PUM3: variants seen among roughly 807,000 people sequenced by gnomAD.
PUM3 encodes pumilio homolog 3.
PUM3 carries 91 observed loss-of-function variants against 84.0 expected under a neutral mutation model. The ratio of observed to expected loss-of-function variants is 1.08; its 90% CI spans 0.91 to 1.29. PUM3 has a LOEUF of 1.29. Among genes scored for constraint, PUM3 ranks in the 50% most tolerant of loss-of-function variants. The pLI, the probability that PUM3 is intolerant of heterozygous loss-of-function variation, is 0.00. For missense variants in PUM3, 1,067 were observed against 767.5 expected (o/e 1.39, Z -4.61); for synonymous variants, 321 against 266.7 (o/e 1.20, Z -1.98).
chr9:2,827,180 C>T, intron 9 of PUM3, 29 bp from the exon 10 acceptor site: 1 of 1,522,368 alleles, frequency 6.6e-7, no homozygotes, highest in South Asian at 1.2e-5. Context: ...AGCAAAAAGA[C>T]ACAACAGATC....
At chr9:2,809,125 G>C (rs1324509932) in intron 16 of PUM3, among the ~76,000 whole-genome samples, 2 of 152,114 alleles carry the variant, frequency 1.3e-5, no homozygotes, top group Admixed American at 6.5e-5. Flanking sequence ...TCTGAGCATA[G>C]AGGGGCAGGC....
At chr9:2,819,689 T>C (rs778593736) in intron 13 of PUM3, among the ~76,000 whole-genome samples, 1 of 152,346 alleles carries the variant, frequency 6.6e-6, no homozygotes, top group Non-Finnish European at 1.5e-5. Context: ...TTTCTGATCA[T>C]ATCTAAATAT....
chr9:2,822,292 ACT>A (rs1815666764), intron 12 of PUM3, among the ~76,000 whole-genome samples: 2 of 152,028 alleles, frequency 1.3e-5, no homozygotes, highest in Admixed American at 1.3e-4. Flanking sequence ...CCACCAAACA[ACT>A]CTACAATATA....
chr9:2,812,159 G>A (rs1821387543), intron 14 of PUM3, 61 bp downstream of exon 14: 3 of 1,423,192 alleles, frequency 2.1e-6, no homozygotes, highest in African/African-American at 1.4e-5. Context: ...ACTTCTGGAA[G>A]AATGCACTAC....
At chr9:2,843,062 T>C (rs888059909) in intron 1 of PUM3, among the ~76,000 whole-genome samples, 5 of 152,202 alleles carry the variant, frequency 3.3e-5, no homozygotes, top group Admixed American at 2.6e-4. Flanking sequence ...ATGTAATACA[T>C]TTTCTAAAGA....
chr9:2,840,061 G>T (rs191630338), intron 1 of PUM3, among the ~76,000 whole-genome samples: 47 of 152,158 alleles, frequency 3.1e-4, no homozygotes, highest in Admixed American at 2.4e-3. Flanking sequence ...CCTCATTTGG[G>T]GTTTGCCTGA....
At position 2,833,513 on chromosome 9, in the gene PUM3, T is replaced by C. The variant is rs910269763; in HGVS notation, c.441-81A>G. The C allele has an allele frequency of 5.7e-6, 4 of 695,818 alleles. No homozygotes were observed. In the Admixed American group the frequency reaches 9.2e-5, roughly 16 times the overall value. The allele number at this position is 695,818 out of a possible 1,614,324, so 43.1% of individuals were successfully genotyped here. ...CACAAAATTAAAAACTGTACCAGTA[T>C]ATGTTCTCCAAGTTCAGCATGATTT... On this transcript the variant is annotated intron_variant, in intron 4 of 17. Transcript: ENST00000397885.
intron 1 of PUM3, among the ~76,000 whole-genome samples, chr9:2,838,912 T>G (rs1257090706): frequency 2.0e-5 from 3 of 152,178 alleles, no homozygotes; most frequent in African/African-American, 4.8e-5. Flanking sequence ...CTTGATTTCT[T>G]GGAGCCTAAA....
intron 1 of PUM3, among the ~76,000 whole-genome samples, chr9:2,842,937 C>T (rs1816307489): frequency 6.6e-6 from 1 of 152,152 alleles, no homozygotes; most frequent in African/African-American, 2.4e-5. Flanking sequence ...CTGAGTTACC[C>T]TTGACATTTT....
intron 10 of PUM3, among the ~76,000 whole-genome samples, chr9:2,826,100 T>C (rs992457745): frequency 1.5e-5 from 2 of 135,346 alleles, no homozygotes; most frequent in Non-Finnish European, 3.1e-5. Context: ...TCCCCGAAGG[T>C]TTTTTTTTTT....
intron 12 of PUM3, among the ~76,000 whole-genome samples, chr9:2,820,940 A>G (rs1300776430): frequency 6.6e-6 from 1 of 152,222 alleles, no homozygotes; most frequent in Non-Finnish European, 1.5e-5. Flanking sequence ...TTGTGGCATG[A>G]GTATCCTGGA....
Position 2,807,870 on chromosome 9 carries a change from A to C in PUM3, c.1758T>G (p.Gly586=). Residue 586 remains glycine, a synonymous_variant, in exon 17 of 18, where the codon GGT becomes GGG. Coordinates refer to ENST00000397885, the MANE Select transcript of PUM3 (RefSeq NM_014878.5). ...TAGCCCAGGACTTCAGGTTCTTCAT[A>C]CCAACATGCTCTACAAGTGTTTTTG... The part of the protein sequence containing the change: ...CFAKTLVEHV[G]MKNLKSWASV... 1 of 1,613,610 alleles carries C rather than the reference A, an allele frequency of 6.2e-7. No homozygotes were observed. Among genetic ancestry groups the C allele is most frequent in the South Asian group, 1.1e-5 (1 of 91,082 alleles).
chr9:2,831,524 G>A (rs918359587), intron 5 of PUM3, among the ~76,000 whole-genome samples, 180 bp from the exon 6 acceptor site: 1 of 152,032 alleles, frequency 6.6e-6, no homozygotes, highest in Non-Finnish European at 1.5e-5. Context: ...CTGTTGTTTT[G>A]AGGCCTACCA....
At chr9:2,838,963 C>T (rs1816201889) in intron 1 of PUM3, among the ~76,000 whole-genome samples, 1 of 152,138 alleles carries the variant, frequency 6.6e-6, no homozygotes, top group Non-Finnish European at 1.5e-5. Context: ...CCACTACATG[C>T]ATTTAATATA....
At chr9:2,829,680 A>G in intron 8 of PUM3, 94 bp downstream of exon 8, 1 of 1,067,500 alleles carries the variant, frequency 9.4e-7, no homozygotes, top group Non-Finnish European at 1.3e-6. Flanking sequence ...CAGCCACAGT[A>G]AAAATACATT....
chr9:2,828,062 C>G (rs539673498), intron 9 of PUM3, among the ~76,000 whole-genome samples: 22 of 152,130 alleles, frequency 1.4e-4, no homozygotes, highest in African/African-American at 5.1e-4. Flanking sequence ...TTTTTTAAAG[C>G]AAGGTCTCAC....
At chr9:2,804,484 A>G (rs1563823136) in intron 17 of PUM3, 21 bp from the exon 18 acceptor site, 2 of 1,604,088 alleles carry the variant, frequency 1.2e-6, no homozygotes, top group Non-Finnish European at 1.7e-6. Flanking sequence ...GAAAAAAATT[A>G]AATTTCATAA....
At chr9:2,819,162 C>G (rs1015993080) in intron 13 of PUM3, among the ~76,000 whole-genome samples, 3 of 152,102 alleles carry the variant, frequency 2.0e-5, no homozygotes, top group African/African-American at 7.2e-5. Context: ...TTTTCTTATC[C>G]CCACCCTGCT....
intron 13 of PUM3, among the ~76,000 whole-genome samples, chr9:2,815,216 TGTA>T (rs1304038130): frequency 6.6e-6 from 1 of 152,204 alleles, no homozygotes; most frequent in Admixed American, 6.5e-5. Context: ...TTCTTCAAAA[TGTA>T]GTATCATTTT....
Sources: gnomAD v4.1 joint callset for allele counts (sites outside exome capture counted in the v4.1 genomes callset) on GRCh38, gnomAD v4.1.1 for gene constraint, MANE v1.5 for transcripts, NCBI Gene and HGNC (gene_info 2026-07-23, HGNC 2026-07-21) for gene names.